The following TSHZ3 variants were observed in gnomAD, a reference collection of about 807,000 sequenced individuals.
TSHZ3 encodes the protein teashirt homolog 3.
Under a neutral mutation model 64.5 loss-of-function variants are expected in TSHZ3, and 10 were observed. The ratio of observed to expected loss-of-function variants is 0.16; its 90% CI spans 0.10 to 0.26. TSHZ3 has a LOEUF of 0.26. Ranked by LOEUF, TSHZ3 falls within the 10% of genes least tolerant of loss-of-function variation. TSHZ3 has a pLI of 1.00. For synonymous variants in TSHZ3, 608 were observed against 593.1 expected, an observed-to-expected ratio of 1.03 and a Z score of -0.36; for missense variants, 1,242 against 1,421.7, an observed-to-expected ratio of 0.87 and a Z score of 2.03.
At chr19:31,329,631 C>A (rs936014483) in intron 1 of TSHZ3, among the ~76,000 whole-genome samples, 1 of 152,136 alleles carries the variant, frequency 6.6e-6, no homozygotes, top group Non-Finnish European at 1.5e-5. Flanking sequence ...TAAAAATGAA[C>A]CACTAGATGG....
chr19:31,331,075 G>A (rs1917076541), intron 1 of TSHZ3, among the ~76,000 whole-genome samples: 2 of 152,204 alleles, frequency 1.3e-5, no homozygotes, highest in East Asian at 3.9e-4. Context: ...TCACCGAAAG[G>A]GATACCCCCT....
chr19:31,317,915 C>G (rs903298770), intron 1 of TSHZ3, among the ~76,000 whole-genome samples: 6 of 152,202 alleles, frequency 3.9e-5, no homozygotes, highest in South Asian at 2.1e-4. Context: ...GCCGTATTGA[C>G]TCATTTGTGT....
At chr19:31,310,703 C>T (rs117362132) in intron 1 of TSHZ3, among the ~76,000 whole-genome samples, 2,397 of 152,324 alleles carry the variant, frequency 0.016, 31 homozygotes, top group Admixed American at 0.023. Context: ...TCCTGAGCCA[C>T]AGCAGGACTT....
chr19:31,281,113 G>T (rs916860636), intron 1 of TSHZ3, among the ~76,000 whole-genome samples: 1 of 152,172 alleles, frequency 6.6e-6, no homozygotes, highest in Non-Finnish European at 1.5e-5. Flanking sequence ...AGTGCTAATT[G>T]CAAGGCTGAT....
intron 5 of TSHZ3, chr19:31,167,596 A>C (rs752413807): frequency 2.6e-5 from 4 of 152,274 alleles, no homozygotes; most frequent in Non-Finnish European, 4.4e-5. Context: ...GATGGTAAAA[A>C]GGGGGTAGAA....
intron 6 of TSHZ3, among the ~76,000 whole-genome samples, chr19:31,154,234 C>T (rs1249273615): frequency 6.6e-6 from 1 of 152,190 alleles, no homozygotes; most frequent in African/African-American, 2.4e-5. Flanking sequence ...ACAGGAATGA[C>T]AGAAATGTTT....
At chr19:31,329,530 A>G (rs1246973197) in intron 1 of TSHZ3, among the ~76,000 whole-genome samples, 1 of 152,142 alleles carries the variant, frequency 6.6e-6, no homozygotes, top group African/African-American at 2.4e-5. Context: ...CTCACCTCAC[A>G]CCGGTGAAAT....
At chr19:31,235,323 G>T (rs1182077597) in intron 3 of TSHZ3, among the ~76,000 whole-genome samples, 1 of 152,048 alleles carries the variant, frequency 6.6e-6, no homozygotes, top group Non-Finnish European at 1.5e-5. Flanking sequence ...GAGCCTTTGT[G>T]GGCTGTGACC....
intron 5 of TSHZ3, among the ~76,000 whole-genome samples, chr19:31,170,196 G>T (rs970819783): frequency 3.3e-5 from 5 of 152,176 alleles, no homozygotes; most frequent in Non-Finnish European, 5.9e-5. Context: ...GCAAGTTGGA[G>T]ATCAGGGTGA....
chr19:31,179,847 GGTA>G lies in TSHZ3; in HGVS notation n.810-23433_810-23431del, dbSNP rs796628392. Among the ~76,000 whole-genome samples the G allele has an allele frequency of 1.5e-3, 226 of 151,524 alleles. 3 individuals are homozygous for G. The highest frequency in any genetic ancestry group is 0.01 in the Middle Eastern group (3 of 294). On this transcript the variant is annotated intron_variant and non_coding_transcript_variant, in intron 5 of 6. Coordinates refer to the TSHZ3 transcript ENST00000651361. The stretch of plus-strand genomic sequence containing the variant: ...TGATGGAGGTGGTGGTGGTGGTGGT[GGTA>G]GTAAAGATGGTGGTGATGATGACTA...
chr19:31,237,124 G>T (rs2145180763), intron 3 of TSHZ3, among the ~76,000 whole-genome samples: 1 of 152,264 alleles, frequency 6.6e-6, no homozygotes, highest in South Asian at 2.1e-4. Flanking sequence ...CTCCAGACTG[G>T]GAGACAGAGC....
At chr19:31,247,977 G>A (rs1395803188) in intron 1 of TSHZ3, among the ~76,000 whole-genome samples, 2 of 152,162 alleles carry the variant, frequency 1.3e-5, no homozygotes, top group African/African-American at 4.8e-5. Context: ...AGTTCCACAT[G>A]GCTGGGGAGG....
chr19:31,305,004 G>A (rs1162592119), intron 1 of TSHZ3, among the ~76,000 whole-genome samples: 3 of 152,178 alleles, frequency 2.0e-5, no homozygotes, highest in Non-Finnish European at 4.4e-5. Flanking sequence ...ACCATCTTAA[G>A]TTAGCCACAT....
chr19:31,253,955 G>A (rs1975875332), intron 1 of TSHZ3, among the ~76,000 whole-genome samples: 1 of 152,224 alleles, frequency 6.6e-6, no homozygotes, highest in Admixed American at 6.5e-5. Flanking sequence ...GTCAAAGGCT[G>A]TCAAAGGACA....
intron 1 of TSHZ3, among the ~76,000 whole-genome samples, chr19:31,248,706 T>C (rs1335034046): frequency 6.7e-6 from 1 of 148,464 alleles, no homozygotes; most frequent in East Asian, 2.0e-4. Context: ...AGGGAGGATC[T>C]CTTGAGCCTG....
At chr19:31,244,664 G>A (rs1975737362) in intron 1 of TSHZ3, among the ~76,000 whole-genome samples, 1 of 151,910 alleles carries the variant, frequency 6.6e-6, no homozygotes, top group African/African-American at 2.4e-5. Context: ...TTTTAATTGA[G>A]ATATGGCCTG....
chr19:31,219,650 G>T (rs991878166), intron 4 of TSHZ3, among the ~76,000 whole-genome samples: 3 of 151,644 alleles, frequency 2.0e-5, no homozygotes, highest in African/African-American at 7.3e-5. Flanking sequence ...TTTTAAAGAA[G>T]AAAAACATTG....
At chr19:31,231,153 G>A (rs1032651058) in intron 3 of TSHZ3, among the ~76,000 whole-genome samples, 1 of 152,086 alleles carries the variant, frequency 6.6e-6, no homozygotes, top group Non-Finnish European at 1.5e-5. Context: ...CAGACCCCAA[G>A]CTAAGTGCTA....
chr19:31,227,893 C>A (rs150020784), intron 4 of TSHZ3, among the ~76,000 whole-genome samples: 51 of 152,286 alleles, frequency 3.3e-4, no homozygotes, highest in Non-Finnish European at 3.2e-4. Flanking sequence ...CCTTCTCTAG[C>A]GCCATCATGA....
Sources: gnomAD v4.1 joint callset for allele counts (sites outside exome capture counted in the v4.1 genomes callset) on GRCh38, gnomAD v4.1.1 for gene constraint, MANE v1.5 for transcripts, NCBI Gene and HGNC (gene_info 2026-07-23, HGNC 2026-07-21) for gene names.